SYN3: variants seen among roughly 807,000 people sequenced by gnomAD.
SYN3 encodes the protein synapsin III.
A neutral mutation model predicts 65.8 loss-of-function variants in SYN3; 35 were observed. The observed-to-expected ratio is 0.53, with a 90% CI of 0.41 to 0.70. The LOEUF is 0.70. Among genes scored for constraint, SYN3 ranks in the 30% least tolerant of loss-of-function variants. The pLI is 0.00. For synonymous variants in SYN3, 270 were observed against 292.9 expected, an observed-to-expected ratio of 0.92 and a Z score of 0.80; for missense variants, 680 against 749.0, an observed-to-expected ratio of 0.91 and a Z score of 1.08.
intron 6 of SYN3, among the ~76,000 whole-genome samples, chr22:32,736,626 T>C (rs547288820): frequency 6.6e-6 from 1 of 152,090 alleles, no homozygotes; most frequent in African/African-American, 2.4e-5. Context: ...AAACAGGCAA[T>C]GGGCAAAAAA....
intron 6 of SYN3, among the ~76,000 whole-genome samples, chr22:32,597,442 C>T (rs555366450): frequency 6.6e-6 from 1 of 152,154 alleles, no homozygotes; most frequent in South Asian, 2.1e-4. Context: ...TCTTGAACTC[C>T]TGACCTCAGG....
At chr22:32,757,167 A>ACCATTACATTCTGCTGG in intron 6 of SYN3, among the ~76,000 whole-genome samples, 1 of 151,900 alleles carries the variant, frequency 6.6e-6, no homozygotes, top group East Asian at 1.9e-4. Context: ...CTGTTCTCAC[A>ACCATTACATTCTGCTGG]CCATTACATT....
At chr22:32,993,492 G>A (rs1031412788) in intron 2 of SYN3, among the ~76,000 whole-genome samples, 2 of 152,098 alleles carry the variant, frequency 1.3e-5, no homozygotes, top group African/African-American at 4.8e-5. Context: ...ACTACAGCAT[G>A]CCGCCACCAC....
rs2061117874 is a variant in SYN3 at position 32,721,535 on chromosome 22, T to C, written c.712-124799A>G. Among the ~76,000 whole-genome samples the C allele has an allele frequency of 2.0e-5, 3 of 152,232 alleles. No homozygotes were observed. The South Asian group carries it at 6.2e-4, about 32-fold the overall frequency. ...TTTGATACAACCCATTTCATTCTCCTTTATTTTATCAATGGGCAAATTGAA... is the reference window on the plus strand; with the variant it reads ...TTTGATACAACCCATTTCATTCTCCCTTATTTTATCAATGGGCAAATTGAA... On this transcript the variant is annotated intron_variant, in intron 6 of 13. Coordinates refer to ENST00000358763, the MANE Select transcript of SYN3 (RefSeq NM_003490.4).
intron 6 of SYN3, among the ~76,000 whole-genome samples, chr22:32,858,337 G>A (rs1344688693): frequency 2.6e-5 from 4 of 152,208 alleles, no homozygotes; most frequent in Non-Finnish European, 5.9e-5. Flanking sequence ...AGGGAAGGAA[G>A]AATGCCTTTC....
intron 9 of SYN3, among the ~76,000 whole-genome samples, chr22:32,536,883 C>A (rs547930749): frequency 6.6e-6 from 1 of 152,274 alleles, no homozygotes; most frequent in Admixed American, 6.5e-5. Flanking sequence ...AGTAAATCCC[C>A]CTTTCTGCGC....
intron 4 of SYN3, among the ~76,000 whole-genome samples, chr22:32,883,486 A>G (rs1399537377): frequency 2.0e-5 from 3 of 152,190 alleles, no homozygotes; most frequent in African/African-American, 4.8e-5. Flanking sequence ...ATTCTAGTTT[A>G]GTGGCTCGCC....
intron 6 of SYN3, among the ~76,000 whole-genome samples, chr22:32,708,023 C>T (rs1411843916): frequency 2.0e-5 from 3 of 152,238 alleles, no homozygotes; most frequent in Non-Finnish European, 4.4e-5. Context: ...ATGATCTGCT[C>T]AGGATCTCCC....
intron 6 of SYN3, among the ~76,000 whole-genome samples, chr22:32,636,381 G>A (rs1398087951): frequency 1.4e-5 from 2 of 138,400 alleles, no homozygotes; most frequent in East Asian, 2.1e-4. Flanking sequence ...CAGCCGGGAC[G>A]ACAAAGCGAG....
At chr22:32,566,197 A>G (rs141246784) in intron 7 of SYN3, among the ~76,000 whole-genome samples, 1 of 152,310 alleles carries the variant, frequency 6.6e-6, no homozygotes, top group Non-Finnish European at 1.5e-5. Context: ...TGTGTAATCT[A>G]TATAAAAATT....
At chr22:32,935,875 ATTTGAATATCAAT>A (rs895041404) in intron 3 of SYN3, among the ~76,000 whole-genome samples, 2 of 152,340 alleles carry the variant, frequency 1.3e-5, no homozygotes, top group African/African-American at 4.8e-5. Flanking sequence ...GAAGTTACTG[ATTTGAATATCAAT>A]TTTGATATCT....
intron 6 of SYN3, among the ~76,000 whole-genome samples, chr22:32,676,987 G>A (rs1286591977): frequency 6.6e-6 from 1 of 152,194 alleles, no homozygotes; most frequent in African/African-American, 2.4e-5. Context: ...TCAGAGGCTG[G>A]TGACAGAACC....
Position 32,952,032 on chromosome 22 carries a change from G to C in SYN3, c.370-20551C>G, listed in dbSNP as rs1050839094. Among the ~76,000 whole-genome samples the C allele has an allele frequency of 3.7e-4, 57 of 152,276 alleles. 1 individual carries two copies. The highest frequency in any genetic ancestry group is 1.3e-3 in the African/African-American group (54 of 41,538). ...CTGTATTTTTAGCTTGCTGGTCCTG[G>C]GGGGGATCAGTGACTTCCTTGGCTG... On this transcript the variant is annotated intron_variant, in intron 3 of 13. Coordinates refer to ENST00000358763, the MANE Select transcript of SYN3 (RefSeq NM_003490.4).
At chr22:32,526,007 T>C (rs553808721) in intron 12 of SYN3, among the ~76,000 whole-genome samples, 1 of 152,314 alleles carries the variant, frequency 6.6e-6, no homozygotes, top group East Asian at 1.9e-4. Flanking sequence ...GCCATCAGTA[T>C]TGAGGCAAGA....
At chr22:32,616,580 A>G (rs1304072446) in intron 6 of SYN3, among the ~76,000 whole-genome samples, 5 of 152,132 alleles carry the variant, frequency 3.3e-5, no homozygotes, top group Non-Finnish European at 1.5e-5. Flanking sequence ...ACTCAATTCA[A>G]TAGCTTGTCC....
intron 1 of SYN3, among the ~76,000 whole-genome samples, chr22:33,009,147 TAGG>T (rs2053283839): frequency 6.6e-6 from 1 of 152,010 alleles, no homozygotes; most frequent in Non-Finnish European, 1.5e-5. Context: ...GGAAAATACC[TAGG>T]AGTTAATTTG....
chr22:32,844,493 A>G (rs943507537), intron 6 of SYN3, among the ~76,000 whole-genome samples: 46 of 152,308 alleles, frequency 3.0e-4, no homozygotes, highest in African/African-American at 1.1e-3. Context: ...CTCTTGCCCA[A>G]ACAAATATTC....
rs1001442161 is a variant in SYN3, at chr22:32,837,983, C to G, written c.711+26932G>C. Among the ~76,000 whole-genome samples, 1 of 152,210 alleles carries G rather than the reference C, an allele frequency of 6.6e-6. No homozygotes were observed. Among genetic ancestry groups the G allele is most frequent in the African/African-American group, 2.4e-5 (1 of 41,454 alleles). On this transcript the variant is annotated intron_variant, in intron 6 of 13. Coordinates refer to ENST00000358763, the MANE Select transcript of SYN3 (RefSeq NM_003490.4). This position sits in a 1 kb window ranked among gnomAD's most constrained non-coding sequence, Gnocchi z 4.1. ...TCTCTTAACTGTCTCTAGTGATTCT[C>G]TGATCCCAGCTCAGGCAGGATGTCT... is the stretch of plus-strand genomic sequence containing the variant.
chr22:32,804,593 C>G (rs2046675044), intron 6 of SYN3, among the ~76,000 whole-genome samples: 1 of 152,238 alleles, frequency 6.6e-6, no homozygotes, highest in Non-Finnish European at 1.5e-5. Context: ...CTGGTCCTCT[C>G]CGGGGGGCTG....
Sources: allele counts gnomAD v4.1 joint callset (sites outside exome capture counted in the v4.1 genomes callset), GRCh38; gene constraint gnomAD v4.1.1; non-coding constraint Gnocchi (gnomAD v3.1); transcripts MANE v1.5; gene names NCBI Gene and HGNC (gene_info 2026-07-23, HGNC 2026-07-21).